Variants in KCND2 observed in about 807,000 individuals in gnomAD.
The protein encoded by KCND2 is A-type voltage-gated potassium channel KCND2.
In KCND2, 16 loss-of-function variants were observed where a neutral mutation model predicts 54.4. The observed-to-expected ratio is 0.29, with a 90% CI of 0.20 to 0.45. The LOEUF is 0.45. Ranked by LOEUF, KCND2 falls within the 20% of genes least tolerant of loss-of-function variation. KCND2 has a pLI of 1.00. For synonymous variants in KCND2, 317 were observed against 310.7 expected (o/e 1.02, Z -0.21); for missense variants, 486 against 824.2 (o/e 0.59, Z 5.02).
intron 1 of KCND2, among the ~76,000 whole-genome samples, chr7:120,524,749 C>T (rs915610859): frequency 6.6e-6 from 1 of 152,166 alleles, no homozygotes; most frequent in African/African-American, 2.4e-5. Context: ...CCCTAATGCA[C>T]ATTCTATGAA....
chr7:120,347,914 G>A, intron 1 of KCND2, among the ~76,000 whole-genome samples: 1 of 152,098 alleles, frequency 6.6e-6, no homozygotes, highest in East Asian at 1.9e-4. Context: ...CATGGTGAGG[G>A]ACCTCTTCCA....
intron 1 of KCND2, among the ~76,000 whole-genome samples, chr7:120,386,149 T>C (rs969190743): frequency 6.6e-6 from 1 of 152,142 alleles, no homozygotes; most frequent in African/African-American, 2.4e-5. Context: ...GTATAGTGCA[T>C]TATTTACCTC....
At chr7:120,307,106 A>G (rs1010269872) in intron 1 of KCND2, among the ~76,000 whole-genome samples, 1 of 152,052 alleles carries the variant, frequency 6.6e-6, no homozygotes. Flanking sequence ...GTAGATTTTC[A>G]TGTCTAATAT....
chr7:120,419,889 C>T (rs1801585220), intron 1 of KCND2, among the ~76,000 whole-genome samples: 1 of 151,886 alleles, frequency 6.6e-6, no homozygotes, highest in Non-Finnish European at 1.5e-5. Flanking sequence ...ATAAACTTCA[C>T]TCCCACTGCC....
intron 1 of KCND2, among the ~76,000 whole-genome samples, chr7:120,543,980 G>C (rs1051452616): frequency 1.3e-5 from 2 of 151,952 alleles, no homozygotes; most frequent in East Asian, 3.9e-4. Flanking sequence ...AAAGTTGTGA[G>C]AGAATAGACA....
At chr7:120,342,490 G>A (rs1320345036) in intron 1 of KCND2, among the ~76,000 whole-genome samples, 2 of 152,116 alleles carry the variant, frequency 1.3e-5, no homozygotes, top group Non-Finnish European at 2.9e-5. Context: ...CCAACTGTGT[G>A]TTATTTCAGT....
chr7:120,671,449 G>A (rs1232785700), intron 1 of KCND2, among the ~76,000 whole-genome samples: 3 of 152,008 alleles, frequency 2.0e-5, no homozygotes, highest in South Asian at 2.1e-4. Context: ...GGTGGTCTAC[G>A]GCCCGGGAGG....
chr7:120,521,695 A>C (rs1562862626), intron 1 of KCND2, among the ~76,000 whole-genome samples: 1 of 152,202 alleles, frequency 6.6e-6, no homozygotes, highest in Non-Finnish European at 1.5e-5. Flanking sequence ...TAGAACATAA[A>C]AACTACTTTA....
intron 1 of KCND2, among the ~76,000 whole-genome samples, chr7:120,359,067 T>G (rs540713263): frequency 6.6e-6 from 1 of 152,276 alleles, no homozygotes; most frequent in South Asian, 2.1e-4. Context: ...AGTGTGACCC[T>G]TCCTATTGTG....
chr7:120,747,582 T>C, intron 5 of KCND2, 99 bp from the exon 6 acceptor site: 1 of 810,312 alleles, frequency 1.2e-6, no homozygotes, highest in South Asian at 1.6e-5. Context: ...CTTAGACAAT[T>C]AAAATATTTT....
At chr7:120,667,813 G>A (rs558466129) in intron 1 of KCND2, among the ~76,000 whole-genome samples, 15 of 152,148 alleles carry the variant, frequency 9.9e-5, no homozygotes, top group African/African-American at 3.6e-4. Context: ...AGAACAAAGA[G>A]ATGGTTGTGA....
chr7:120,696,025 A>G (rs569518259), intron 1 of KCND2, among the ~76,000 whole-genome samples: 45 of 152,314 alleles, frequency 3.0e-4, no homozygotes, highest in Admixed American at 8.5e-4. Context: ...AATAGCTTCA[A>G]TGGAAACCAC....
intron 1 of KCND2, among the ~76,000 whole-genome samples, chr7:120,307,452 A>G (rs1419232042): frequency 6.6e-6 from 1 of 152,108 alleles, no homozygotes; most frequent in Admixed American, 6.6e-5. Flanking sequence ...AATATTTTGA[A>G]CATAGTGTAT....
At chr7:120,503,010 T>A (rs1802958684) in intron 1 of KCND2, among the ~76,000 whole-genome samples, 1 of 152,120 alleles carries the variant, frequency 6.6e-6, no homozygotes, top group Admixed American at 6.6e-5. Flanking sequence ...CAGTTTTTAT[T>A]TACCCAGTTT....
chr7:120,591,417 A>G (rs1456746029), intron 1 of KCND2, among the ~76,000 whole-genome samples: 2 of 152,216 alleles, frequency 1.3e-5, no homozygotes, highest in African/African-American at 2.4e-5. Context: ...CTGCAGATTC[A>G]GAAAGAAGTT....
intron 1 of KCND2, among the ~76,000 whole-genome samples, chr7:120,310,934 CAAAAAAA>C (rs1023300696): frequency 3.4e-5 from 2 of 58,138 alleles, no homozygotes; most frequent in Non-Finnish European, 7.6e-5. Context: ...AGACTCTGTC[CAAAAAAA>C]AAAAAAAAAG....
rs117985420 is a variant in KCND2 at position 120,729,719 on chromosome 7, A to G, written c.1116-3184A>G. On this transcript the variant is annotated intron_variant, in intron 1 of 5. Transcript: ENST00000331113. The stretch of plus-strand genomic sequence containing the variant: ...TGTGCCCCCTTCCTCTTCTCACCAT[A>G]ATCATTGCAGTCCTGCCCAGTCCTT... 3.3e-3 allele frequency among the ~76,000 whole-genome samples: 510 copies of G among 152,278 alleles called. 1 individual carries two copies. The highest frequency in any genetic ancestry group is 6.3e-3 in the Non-Finnish European group (427 of 68,030).
rs550801340 is a variant in KCND2 at position 120,292,487 on chromosome 7, G to C, written c.1115+16740G>C. Among the ~76,000 whole-genome samples the C allele has an allele frequency of 5.9e-5, 9 of 151,876 alleles. No homozygotes were observed. The South Asian group carries it at 1.9e-3, about 32-fold the overall frequency. ...GTTCTTTTTCTTCAGAGAATCACAGGATCTTGAAATTAAAAGTTTCCTTGG... is the reference window on the plus strand; with the variant it reads ...GTTCTTTTTCTTCAGAGAATCACAGCATCTTGAAATTAAAAGTTTCCTTGG... On this transcript the variant is annotated intron_variant, in intron 1 of 5. Transcript: ENST00000331113.
chr7:120,341,447 A>T (rs1800238213), intron 1 of KCND2, among the ~76,000 whole-genome samples: 1 of 152,142 alleles, frequency 6.6e-6, no homozygotes, highest in African/African-American at 2.4e-5. Context: ...TTGCCTAATG[A>T]AAGATGTTAA....
Sources: gnomAD v4.1 joint callset for allele counts (sites outside exome capture counted in the v4.1 genomes callset) on GRCh38, gnomAD v4.1.1 for gene constraint, MANE v1.5 for transcripts, NCBI Gene and HGNC (gene_info 2026-07-23, HGNC 2026-07-21) for gene names.